Variants in PHF24 observed in about 807,000 individuals in gnomAD.
PHF24 encodes PHD finger protein 24, also known as Galpha inhibitory interacting protein.
In PHF24, 25 loss-of-function variants were observed where a neutral mutation model predicts 42.6. The ratio of observed to expected loss-of-function variants is 0.59; its 90% CI spans 0.43 to 0.82. The LOEUF (loss-of-function observed/expected upper bound fraction) is 0.82. Among genes scored for constraint, PHF24 ranks in the 40% least tolerant of loss-of-function variants. The pLI, the probability that PHF24 is intolerant of heterozygous loss-of-function variation, is 0.00. For missense variants in PHF24, 470 were observed against 538.1 expected (o/e 0.87, Z 1.25); for synonymous variants, 185 against 204.8 (o/e 0.90, Z 0.83).
chr9:34,723,104 T>G, the PHF24 span: 1 of 1,165,700 alleles, frequency 8.6e-7, no homozygotes, highest in Non-Finnish European at 1.2e-6. Flanking sequence ...CACCTGCACA[T>G]TTATGGAAAT....
chr9:34,721,285 CTT>C, the PHF24 span, among the ~76,000 whole-genome samples: 1 of 152,132 alleles, frequency 6.6e-6, no homozygotes, highest in Non-Finnish European at 1.5e-5. Flanking sequence ...TGTCTCCAGT[CTT>C]TTTTGAAAAG....
the PHF24 span, among the ~76,000 whole-genome samples, chr9:34,939,768 G>A: frequency 6.6e-6 from 1 of 152,200 alleles, no homozygotes; most frequent in Non-Finnish European, 1.5e-5. Flanking sequence ...GGACTGAGGA[G>A]CAGCTCCTCT....
chr9:34,832,428 G>A, the PHF24 span: 2 of 1,360,632 alleles, frequency 1.5e-6, no homozygotes, highest in South Asian at 2.6e-5. Context: ...TAGGGACTGG[G>A]GACCATCCAA....
chr9:34,893,223 G>C, the PHF24 span: 53 of 457,528 alleles, frequency 1.2e-4, no homozygotes, highest in East Asian at 1.6e-3. Context: ...GTGGGCCGGG[G>C]TTGGCATTGT....
chr9:34,924,977 G>T, the PHF24 span, among the ~76,000 whole-genome samples: 1 of 151,950 alleles, frequency 6.6e-6, no homozygotes, highest in African/African-American at 2.4e-5. Flanking sequence ...ATGTTTTCTT[G>T]ATAATGGTAA....
chr9:34,892,702 C>T, the PHF24 span: 1 of 470,598 alleles, frequency 2.1e-6, no homozygotes, highest in African/African-American at 2.0e-5. Flanking sequence ...TCGTCCTCTC[C>T]TGCTGGCTCA....
chr9:34,941,163 A>G, the PHF24 span, among the ~76,000 whole-genome samples: 3 of 152,258 alleles, frequency 2.0e-5, no homozygotes, highest in East Asian at 5.8e-4. Context: ...CTGGGGACCT[A>G]GCACAATATA....
the PHF24 span, among the ~76,000 whole-genome samples, chr9:34,839,011 T>G: frequency 6.6e-6 from 1 of 152,268 alleles, no homozygotes; most frequent in Admixed American, 6.5e-5. Flanking sequence ...AATGGGTGAT[T>G]GGTAACAGAG....
At chr9:34,796,857 T>C in the PHF24 span, among the ~76,000 whole-genome samples, 1 of 152,224 alleles carries the variant, frequency 6.6e-6, no homozygotes, top group Admixed American at 6.5e-5. Flanking sequence ...CACAAAAACT[T>C]GTTATACGCC....
the PHF24 span, among the ~76,000 whole-genome samples, chr9:34,666,389 C>T: frequency 1.3e-5 from 2 of 152,040 alleles, no homozygotes; most frequent in Non-Finnish European, 2.9e-5. Flanking sequence ...CTGCCTTCCT[C>T]CCCTTGTATG....
the PHF24 span, among the ~76,000 whole-genome samples, chr9:34,730,511 T>A: frequency 6.6e-6 from 1 of 152,216 alleles, no homozygotes; most frequent in Non-Finnish European, 1.5e-5. Flanking sequence ...GCACCCAATA[T>A]GTGCTCAGCC....
chr9:34,807,801 G>T, the PHF24 span, among the ~76,000 whole-genome samples: 1 of 152,012 alleles, frequency 6.6e-6, no homozygotes, highest in Non-Finnish European at 1.5e-5. Context: ...ACCAGAAGCG[G>T]TGCATCTGAT....
chr9:34,831,647 G>A, the PHF24 span, among the ~76,000 whole-genome samples: 1 of 152,054 alleles, frequency 6.6e-6, no homozygotes, highest in Non-Finnish European at 1.5e-5. Flanking sequence ...CTCATGTCCT[G>A]GTCAGGCATG....
chr9:34,812,126 C>G, the PHF24 span, among the ~76,000 whole-genome samples: 1 of 152,174 alleles, frequency 6.6e-6, no homozygotes, highest in Non-Finnish European at 1.5e-5. Context: ...ATCCCAGCTA[C>G]TTGGCGGTGG....
chr9:34,894,369 A>G, the PHF24 span: 2 of 398,088 alleles, frequency 5.0e-6, no homozygotes, highest in Non-Finnish European at 8.9e-6. Context: ...TCTCATCTCT[A>G]CCCCAAGCCA....
At chr9:34,931,228 T>C in the PHF24 span, among the ~76,000 whole-genome samples, 1 of 151,564 alleles carries the variant, frequency 6.6e-6, no homozygotes, top group African/African-American at 2.4e-5. Flanking sequence ...TACAAAAAAT[T>C]AGCCGGGCAT....
the PHF24 span, among the ~76,000 whole-genome samples, chr9:34,759,093 AG>A: frequency 6.6e-6 from 1 of 152,158 alleles, no homozygotes; most frequent in Non-Finnish European, 1.5e-5. Context: ...CACAAATGCC[AG>A]GTGTTTCTAA....
At chr9:34,777,445 C>A in the PHF24 span, among the ~76,000 whole-genome samples, 1 of 152,094 alleles carries the variant, frequency 6.6e-6, no homozygotes, top group South Asian at 2.1e-4. Context: ...GATCCCTTAG[C>A]CCCCAGATTG....
chr9:34,909,725 C>A, the PHF24 span, among the ~76,000 whole-genome samples: 2 of 151,900 alleles, frequency 1.3e-5, no homozygotes, highest in Admixed American at 1.3e-4. Context: ...GGGCTCACGC[C>A]ATTCTCCTGC....
Sources: gnomAD v4.1 joint callset for allele counts (sites outside exome capture counted in the v4.1 genomes callset) on GRCh38, gnomAD v4.1.1 for gene constraint, MANE v1.5 for transcripts, NCBI Gene and HGNC (gene_info 2026-07-23, HGNC 2026-07-21) for gene names.